UBASH3B: variants seen among roughly 807,000 people sequenced by gnomAD.
UBASH3B encodes ubiquitin-associated and SH3 domain-containing protein B.
In UBASH3B, 37 loss-of-function variants were observed where a neutral mutation model predicts 83.4. The ratio of observed to expected loss-of-function variants is 0.44; its 90% CI spans 0.34 to 0.58. The LOEUF (loss-of-function observed/expected upper bound fraction) is 0.58, where lower values mean the gene tolerates loss of function less well. UBASH3B is among the 20% of genes least tolerant of loss of function. The probability of loss-of-function intolerance (pLI) is 0.01; values close to 1 mark genes in which losing one functional copy is unlikely to be tolerated. For synonymous variants in UBASH3B, 304 were observed against 318.3 expected (o/e 0.96, Z 0.48); for missense variants, 657 against 827.2 (o/e 0.79, Z 2.52).
At chr11:122,725,581 T>C (rs1363250710) in intron 1 of UBASH3B, among the ~76,000 whole-genome samples, 2 of 152,102 alleles carry the variant, frequency 1.3e-5, no homozygotes, top group East Asian at 3.9e-4. Context: ...TCCCTCTCCA[T>C]AGCTCATCTT....
At chr11:122,808,892 A>C (rs1434275149) in intron 13 of UBASH3B, among the ~76,000 whole-genome samples, 1 of 152,144 alleles carries the variant, frequency 6.6e-6, no homozygotes, top group Non-Finnish European at 1.5e-5. Context: ...GGACACAGAC[A>C]AAAATAAGTT....
chr11:122,786,467 G>T (rs1239629828), intron 5 of UBASH3B, among the ~76,000 whole-genome samples: 1 of 151,984 alleles, frequency 6.6e-6, no homozygotes, highest in Non-Finnish European at 1.5e-5. Flanking sequence ...AACCAGCCTG[G>T]CCAACACAGT....
intron 1 of UBASH3B, among the ~76,000 whole-genome samples, chr11:122,750,489 C>T (rs2135967340): frequency 6.6e-6 from 1 of 152,290 alleles, no homozygotes; most frequent in South Asian, 2.1e-4. Flanking sequence ...GTGTTAAGGG[C>T]AAGTGACTGA....
chr11:122,656,695 G>A (rs1863369310), intron 1 of UBASH3B, among the ~76,000 whole-genome samples: 1 of 152,210 alleles, frequency 6.6e-6, no homozygotes. Flanking sequence ...CGTTGCAGCG[G>A]CTTCCAGCTC....
chr11:122,679,178 T>G (rs746827750), intron 1 of UBASH3B, among the ~76,000 whole-genome samples: 18 of 151,226 alleles, frequency 1.2e-4, no homozygotes, highest in Non-Finnish European at 4.4e-5. Flanking sequence ...CTGGACATGT[T>G]GAGGGTGAAG....
chr11:122,716,432 G>A (rs1860526651), intron 1 of UBASH3B, among the ~76,000 whole-genome samples: 1 of 152,210 alleles, frequency 6.6e-6, no homozygotes, highest in Non-Finnish European at 1.5e-5. Context: ...TGGAGGAATT[G>A]TGTCAGATTG....
At chr11:122,740,495 G>A (rs543129160) in intron 1 of UBASH3B, among the ~76,000 whole-genome samples, 14 of 152,312 alleles carry the variant, frequency 9.2e-5, no homozygotes, top group African/African-American at 3.1e-4. Flanking sequence ...TGTGCATGGT[G>A]CTAAGTACTT....
chr11:122,662,213 T>A (rs2135890693), intron 1 of UBASH3B, among the ~76,000 whole-genome samples: 1 of 151,832 alleles, frequency 6.6e-6, no homozygotes, highest in Non-Finnish European at 1.5e-5. Context: ...GGCCAGCCGA[T>A]GTGCTTTTTT....
At chr11:122,730,502 C>A (rs1316349189) in intron 1 of UBASH3B, among the ~76,000 whole-genome samples, 2 of 152,184 alleles carry the variant, frequency 1.3e-5, no homozygotes, top group Non-Finnish European at 2.9e-5. Context: ...CTAAGCCAAA[C>A]CCCCTCACAG....
At chr11:122,728,801 C>A (rs1186617340) in intron 1 of UBASH3B, among the ~76,000 whole-genome samples, 1 of 152,238 alleles carries the variant, frequency 6.6e-6, no homozygotes, top group South Asian at 2.1e-4. Flanking sequence ...GTACTTCTAA[C>A]ATCTAGCACA....
intron 5 of UBASH3B, among the ~76,000 whole-genome samples, chr11:122,787,589 C>A (rs572961064): frequency 6.6e-6 from 1 of 152,174 alleles, no homozygotes; most frequent in Admixed American, 6.5e-5. Context: ...TTGACATCAA[C>A]CAGCCAATTA....
chr11:122,735,069 G>C (rs1436918504), intron 1 of UBASH3B, among the ~76,000 whole-genome samples: 1 of 152,138 alleles, frequency 6.6e-6, no homozygotes, highest in Non-Finnish European at 1.5e-5. Context: ...TTGTACACAT[G>C]AGGGTCAGAG....
intron 1 of UBASH3B, among the ~76,000 whole-genome samples, chr11:122,767,607 G>A (rs867958033): frequency 1.2e-4 from 18 of 152,162 alleles, no homozygotes; most frequent in Admixed American, 1.3e-4. Flanking sequence ...CACCACGCCC[G>A]GCCCCTTATG....
chr11:122,753,181 C>T (rs774454417), intron 1 of UBASH3B, among the ~76,000 whole-genome samples: 13 of 150,930 alleles, frequency 8.6e-5, no homozygotes, highest in Non-Finnish European at 1.9e-4. Context: ...CTGTGGCTCG[C>T]GCCTGTAACC....
chr11:122,663,348 A>G (rs939368135), intron 1 of UBASH3B, among the ~76,000 whole-genome samples: 1 of 152,226 alleles, frequency 6.6e-6, no homozygotes, highest in Non-Finnish European at 1.5e-5. Flanking sequence ...AGTCACATAC[A>G]TAATCACTAT....
rs190429680 is a variant in UBASH3B, at chr11:122,764,623, A to G, written c.162-11596A>G. ...TTGACCTCTGTTGATGAAAGGTGGGACTGAATTGCGTGGATCTTATTGGCC... is the reference window on the plus strand; with the variant it reads ...TTGACCTCTGTTGATGAAAGGTGGGGCTGAATTGCGTGGATCTTATTGGCC... On this transcript the variant is annotated intron_variant, in intron 1 of 13. Transcript: ENST00000284273. 1.6e-3 allele frequency among the ~76,000 whole-genome samples: 251 copies of G among 152,340 alleles called. 2 individuals are homozygous for G. The highest frequency in any genetic ancestry group is 6.0e-3 in the African/African-American group (248 of 41,578).
At chr11:122,681,705 C>G (rs1182673029) in intron 1 of UBASH3B, among the ~76,000 whole-genome samples, 1 of 152,118 alleles carries the variant, frequency 6.6e-6, no homozygotes. Context: ...CACACACACA[C>G]ACACACACAG....
chr11:122,669,579 G>T (rs1318151194), intron 1 of UBASH3B, among the ~76,000 whole-genome samples: 1 of 152,140 alleles, frequency 6.6e-6, no homozygotes, highest in Non-Finnish European at 1.5e-5. Flanking sequence ...GTATGTAAGC[G>T]CTTGGTCTGC....
chr11:122,730,591 CT>C (rs71054094), intron 1 of UBASH3B, among the ~76,000 whole-genome samples: 46,322 of 141,706 alleles, frequency 0.33, 8,137 homozygotes, highest in Middle Eastern at 0.49. Flanking sequence ...TATTTGGATT[CT>C]TTTTTTTTTT....
Sources: gnomAD v4.1 joint callset for allele counts (sites outside exome capture counted in the v4.1 genomes callset) on GRCh38, gnomAD v4.1.1 for gene constraint, MANE v1.5 for transcripts, NCBI Gene and HGNC (gene_info 2026-07-23, HGNC 2026-07-21) for gene names.